RAPH1: variants seen among roughly 807,000 people sequenced by gnomAD.
RAPH1 encodes ras-associated and pleckstrin homology domains-containing protein 1.
In RAPH1, 18 loss-of-function variants were observed where a neutral mutation model predicts 88.1. The ratio of observed to expected loss-of-function variants is 0.20; its 90% CI spans 0.14 to 0.30. RAPH1 has a LOEUF of 0.30. Ranked by LOEUF, RAPH1 falls within the 10% of genes least tolerant of loss-of-function variation. RAPH1 has a pLI of 1.00. For missense variants in RAPH1, 1,448 were observed against 1,543.2 expected (o/e 0.94, Z 1.03); for synonymous variants, 587 against 559.0 (o/e 1.05, Z -0.71).
intron 10 of RAPH1, among the ~76,000 whole-genome samples, chr2:203,452,498 A>T (rs2098515757): frequency 6.6e-6 from 1 of 152,218 alleles, no homozygotes; most frequent in Non-Finnish European, 1.5e-5. Flanking sequence ...TTCACAAATT[A>T]TTCTTTGTCC....
intron 2 of RAPH1, 198 bp downstream of exon 2, chr2:203,495,036 T>A: frequency 2.0e-6 from 1 of 503,778 alleles, no homozygotes; most frequent in Non-Finnish European, 3.4e-6. Flanking sequence ...GTATTTTTTT[T>A]AACATCCTTA....
At chr2:203,441,822 C>G in intron 13 of RAPH1, 2 of 1,304,742 alleles carry the variant, frequency 1.5e-6, no homozygotes, top group Non-Finnish European at 1.9e-6. Flanking sequence ...CTCCAGTTTA[C>G]CTTTCAGTCC....
chr2:203,448,159 T>G lies in RAPH1; in HGVS notation c.1513-80A>C, dbSNP rs1402004962. ...AGGATAAGGTGAAATGGGGGACATA[T>G]TTCTGTTTACTGATTGATGGTCTGT... On this transcript the variant is annotated intron_variant, in intron 11 of 13. Transcript: ENST00000319170. The surrounding 1 kb of genome is among the most constrained non-coding windows in gnomAD (Gnocchi z 4.1). 9.3e-6 allele frequency: 13 copies of G among 1,396,792 alleles called. No individual in the cohort carries two copies. In the East Asian group the frequency reaches 3.0e-4, roughly 32 times the overall value. The allele number at this position is 1,396,792 out of a possible 1,614,324, so 86.5% of individuals were successfully genotyped here.
chr2:203,468,546 C>T (rs147274075), intron 4 of RAPH1, among the ~76,000 whole-genome samples: 36 of 152,332 alleles, frequency 2.4e-4, no homozygotes, highest in Admixed American at 2.0e-3. Context: ...CTACTCCTTT[C>T]TTTCCTTCAT....
At chr2:203,487,098 T>A (rs1054541171) in intron 4 of RAPH1, among the ~76,000 whole-genome samples, 4 of 152,236 alleles carry the variant, frequency 2.6e-5, no homozygotes, top group African/African-American at 9.6e-5. Flanking sequence ...TATGAACTTT[T>A]ATAATGAGCA....
At chr2:203,521,811 C>T (rs1689887215) in intron 1 of RAPH1, among the ~76,000 whole-genome samples, 1 of 152,064 alleles carries the variant, frequency 6.6e-6, no homozygotes. Flanking sequence ...GTGCATGCAA[C>T]AATGAACTAT....
chr2:203,482,054 A>T (rs531151135), intron 4 of RAPH1, among the ~76,000 whole-genome samples: 1 of 151,992 alleles, frequency 6.6e-6, no homozygotes, highest in African/African-American at 2.4e-5. Flanking sequence ...AACACCAACA[A>T]TAAGAGTCAA....
intron 7 of RAPH1, among the ~76,000 whole-genome samples, chr2:203,459,531 G>A (rs1253111531): frequency 6.6e-6 from 1 of 152,208 alleles, no homozygotes; most frequent in Non-Finnish European, 1.5e-5. Flanking sequence ...CTGGATAAAT[G>A]GCTGGAGTAG....
chr2:203,460,151 A>G, intron 6 of RAPH1, 123 bp from the exon 7 acceptor site: 1 of 774,032 alleles, frequency 1.3e-6, no homozygotes, highest in South Asian at 1.9e-5. Flanking sequence ...TAGCACCTAA[A>G]AATTATCTGG....
Position 203,460,035 on chromosome 2 carries a change from CA to C in RAPH1, c.971-8del. 1.3e-6 allele frequency: 2 copies of C among 1,595,798 alleles called. No individual in the cohort carries two copies. Among genetic ancestry groups the C allele is most frequent in the Non-Finnish European group, 8.5e-7 (1 of 1,172,664 alleles). On this transcript the variant is annotated splice_polypyrimidine_tract_variant and splice_region_variant and intron_variant, in intron 6 of 13. Coordinates refer to ENST00000319170, the MANE Select transcript of RAPH1 (RefSeq NM_213589.3). ...TGGTCTTCAAAGATTCTCTCTGTCC[CA>C]AAATAAAATATCCGTATTTTGTTAG...
At chr2:203,492,050 G>A (rs1348959305) in intron 2 of RAPH1, among the ~76,000 whole-genome samples, 2 of 151,854 alleles carry the variant, frequency 1.3e-5, no homozygotes, top group African/African-American at 2.4e-5. Context: ...CTTGGCCAAC[G>A]GGGCGAAACC....
At chr2:203,503,034 C>A (rs1019926890) in intron 1 of RAPH1, among the ~76,000 whole-genome samples, 1 of 151,952 alleles carries the variant, frequency 6.6e-6, no homozygotes, top group African/African-American at 2.4e-5. Flanking sequence ...ATCCCAGCTA[C>A]TCGGGAGGCT....
chr2:203,513,902 TG>T (rs1483423221), intron 1 of RAPH1, among the ~76,000 whole-genome samples: 2 of 151,382 alleles, frequency 1.3e-5, no homozygotes, highest in Non-Finnish European at 2.9e-5. Context: ...TGGAGTGCAG[TG>T]GTGTGATCTC....
intron 4 of RAPH1, among the ~76,000 whole-genome samples, chr2:203,474,180 A>G (rs1447141801): frequency 1.3e-5 from 2 of 152,166 alleles, no homozygotes; most frequent in East Asian, 3.8e-4. Flanking sequence ...GGGCAAAGGG[A>G]TATTTGAGAC....
At chr2:203,458,962 C>T (rs1398884563) in intron 7 of RAPH1, among the ~76,000 whole-genome samples, 1 of 152,112 alleles carries the variant, frequency 6.6e-6, no homozygotes, top group East Asian at 1.9e-4. Flanking sequence ...CAGGGTTTCA[C>T]CGTGTTAGCC....
chr2:203,468,269 A>G (rs1034829533), intron 4 of RAPH1, among the ~76,000 whole-genome samples: 2 of 152,168 alleles, frequency 1.3e-5, no homozygotes, highest in African/African-American at 2.4e-5. Context: ...GTGTGGCTTG[A>G]GTGATCTGGC....
intron 4 of RAPH1, among the ~76,000 whole-genome samples, chr2:203,463,782 C>T (rs774749908): frequency 2.0e-5 from 3 of 152,010 alleles, no homozygotes; most frequent in Non-Finnish European, 4.4e-5. Flanking sequence ...AAACAAATAG[C>T]AGAATTATAA....
At position 203,435,007 on chromosome 2, in the gene RAPH1, G is replaced by T. The variant is rs1307881512; in HGVS notation, c.*4430C>A. On this transcript the variant is annotated 3_prime_UTR_variant, in exon 14 of 14. Coordinates refer to ENST00000319170, the MANE Select transcript of RAPH1 (RefSeq NM_213589.3). ...TTAAAAATATTCTGCCAAAAGAGTT[G>T]AAGGCACTGGGGGTTTACAGCAAGT... 6.6e-6 allele frequency: 1 copy of T among 152,604 alleles called. No individual in the cohort carries two copies. The highest frequency in any genetic ancestry group is 1.5e-5 in the Non-Finnish European group (1 of 68,038). The allele number at this position is 152,604 out of a possible 1,614,324, so 9.5% of individuals were successfully genotyped here.
intron 1 of RAPH1, among the ~76,000 whole-genome samples, chr2:203,520,340 A>AG (rs1001051225): frequency 6.7e-6 from 1 of 150,160 alleles, no homozygotes; most frequent in African/African-American, 2.5e-5. Context: ...TCAAAAAAAA[A>AG]AACCACGCCA....
Sources: allele counts gnomAD v4.1 joint callset (sites outside exome capture counted in the v4.1 genomes callset), GRCh38; gene constraint gnomAD v4.1.1; non-coding constraint Gnocchi (gnomAD v3.1); transcripts MANE v1.5; gene names NCBI Gene and HGNC (gene_info 2026-07-23, HGNC 2026-07-21).